MSRA: variants seen among roughly 807,000 people sequenced by gnomAD.
MSRA encodes the protein methionine sulfoxide reductase A.
MSRA carries 54 observed loss-of-function variants against 31.3 expected under a neutral mutation model. The observed-to-expected ratio is 1.73, with a 90% CI of 1.39 to 2.17. MSRA has a LOEUF of 2.17. Ranked by LOEUF, MSRA falls within the 30% of genes most tolerant of loss-of-function variation. The pLI is 0.00. For missense variants in MSRA, 507 were observed against 300.9 expected (o/e 1.69, Z -5.07); for synonymous variants, 169 against 116.5 (o/e 1.45, Z -2.90).
At chr8:10,236,659 C>G (rs1464006089) in intron 2 of MSRA, among the ~76,000 whole-genome samples, 1 of 152,170 alleles carries the variant, frequency 6.6e-6, no homozygotes, top group African/African-American at 2.4e-5. Flanking sequence ...ATTCTCCTGC[C>G]TCAGCCTCCT....
At chr8:10,144,292 C>T (rs1802952572) in intron 1 of MSRA, among the ~76,000 whole-genome samples, 1 of 152,136 alleles carries the variant, frequency 6.6e-6, no homozygotes, top group Non-Finnish European at 1.5e-5. Context: ...GCCTCTGGAG[C>T]CAGTCTGCCT....
intron 3 of MSRA, among the ~76,000 whole-genome samples, chr8:10,300,111 C>T (rs1800760415): frequency 7.1e-6 from 1 of 141,092 alleles, no homozygotes; most frequent in South Asian, 2.4e-4. Context: ...GTAATGAATG[C>T]AGTGGAAGAA....
intron 4 of MSRA, among the ~76,000 whole-genome samples, chr8:10,303,059 C>G (rs923228730): frequency 6.6e-6 from 1 of 152,190 alleles, no homozygotes; most frequent in African/African-American, 2.4e-5. Context: ...ATGGAGCAGA[C>G]GTTCAGCCAT....
chr8:10,288,932 A>C (rs1323153257), intron 3 of MSRA, among the ~76,000 whole-genome samples: 2 of 151,896 alleles, frequency 1.3e-5, no homozygotes, highest in East Asian at 1.9e-4. Flanking sequence ...AAAATGGTGC[A>C]AGCAGCCACG....
intron 1 of MSRA, among the ~76,000 whole-genome samples, chr8:10,103,997 A>G (rs1161597067): frequency 6.6e-6 from 1 of 152,230 alleles, no homozygotes; most frequent in Non-Finnish European, 1.5e-5. Flanking sequence ...CTTTGATAAA[A>G]TATTTTAAAC....
intron 1 of MSRA, among the ~76,000 whole-genome samples, chr8:10,201,419 T>A (rs1173311073): frequency 6.6e-6 from 1 of 152,182 alleles, no homozygotes; most frequent in Non-Finnish European, 1.5e-5. Flanking sequence ...ACTCCCAAGA[T>A]GGCAGCTGCT....
At chr8:10,335,896 G>A (rs932752457) in intron 5 of MSRA, among the ~76,000 whole-genome samples, 2 of 152,150 alleles carry the variant, frequency 1.3e-5, no homozygotes, top group African/African-American at 4.8e-5. Flanking sequence ...AGAAGCAGCT[G>A]GTAACTTGAG....
At chr8:10,060,702 G>C (rs1466328873) in intron 1 of MSRA, among the ~76,000 whole-genome samples, 1 of 145,024 alleles carries the variant, frequency 6.9e-6, no homozygotes, top group African/African-American at 2.6e-5. Flanking sequence ...ACTTGCTTTT[G>C]TAATCAAAAT....
chr8:10,236,089 A>T (rs937314722), intron 2 of MSRA, among the ~76,000 whole-genome samples: 1 of 152,198 alleles, frequency 6.6e-6, no homozygotes, highest in Non-Finnish European at 1.5e-5. Context: ...TGCATGATAA[A>T]AAGCTTTTCA....
intron 2 of MSRA, among the ~76,000 whole-genome samples, chr8:10,210,547 C>T (rs1809385673): frequency 6.6e-6 from 1 of 152,148 alleles, no homozygotes; most frequent in Non-Finnish European, 1.5e-5. Flanking sequence ...GGAGCAAGAT[C>T]TCCTACGGCT....
intron 1 of MSRA, among the ~76,000 whole-genome samples, chr8:10,198,534 G>T (rs1563208609): frequency 6.6e-6 from 1 of 152,072 alleles, no homozygotes; most frequent in African/African-American, 2.4e-5. Context: ...AACATCTCTG[G>T]AATTCTTTGT....
intron 1 of MSRA, among the ~76,000 whole-genome samples, chr8:10,176,916 A>C (rs1806103013): frequency 6.6e-6 from 1 of 152,136 alleles, no homozygotes; most frequent in African/African-American, 2.4e-5. Context: ...GGCCCTAAAT[A>C]ATTTAGCTTC....
intron 5 of MSRA, among the ~76,000 whole-genome samples, chr8:10,369,621 A>G (rs946909855): frequency 6.6e-6 from 1 of 152,234 alleles, no homozygotes; most frequent in Admixed American, 6.5e-5. Flanking sequence ...AATTTATAAT[A>G]TATTAAAATT....
chr8:10,225,922 G>T (rs1034373519), intron 2 of MSRA, among the ~76,000 whole-genome samples: 1 of 152,234 alleles, frequency 6.6e-6, no homozygotes, highest in East Asian at 1.9e-4. Flanking sequence ...TTCTATCCAT[G>T]CCAGAAAGAC....
At chr8:10,249,525 C>T (rs1231510113) in intron 3 of MSRA, among the ~76,000 whole-genome samples, 1 of 152,148 alleles carries the variant, frequency 6.6e-6, no homozygotes, top group Non-Finnish European at 1.5e-5. Context: ...ATAATCTTCC[C>T]TTCCTCAGGT....
intron 1 of MSRA, among the ~76,000 whole-genome samples, chr8:10,095,338 T>C (rs1258358523): frequency 6.6e-6 from 1 of 152,204 alleles, no homozygotes; most frequent in East Asian, 1.9e-4. Context: ...TTAGTAATAA[T>C]TATGAAAGGT....
At chr8:10,173,608 C>T (rs1275249463) in intron 1 of MSRA, among the ~76,000 whole-genome samples, 1 of 152,218 alleles carries the variant, frequency 6.6e-6, no homozygotes, top group East Asian at 1.9e-4. Flanking sequence ...ATGCTCAGCA[C>T]TCCTTGGGCC....
chr8:10,220,167 T>C (rs1033726065), intron 2 of MSRA, among the ~76,000 whole-genome samples: 7 of 152,174 alleles, frequency 4.6e-5, no homozygotes, highest in East Asian at 1.9e-4. Flanking sequence ...CTAGGTGTTA[T>C]TAGGAAAAAC....
chr8:10,188,154 A>G lies in MSRA; in HGVS notation c.143-19679A>G, dbSNP rs182647245. 3.5e-4 allele frequency among the ~76,000 whole-genome samples: 54 copies of G among 152,346 alleles called. 5 individuals are homozygous for G. The East Asian group carries it at 0.01, about 29-fold the overall frequency. The stretch of plus-strand genomic sequence containing the variant: ...TTTACACCAGCTTCCCCCAATGTTA[A>G]TATCTTACATAATCAGTGTGTTGTC... On this transcript the variant is annotated intron_variant, in intron 1 of 5. Coordinates refer to ENST00000317173, the MANE Select transcript of MSRA (RefSeq NM_012331.5).
Sources: gnomAD v4.1 joint callset for allele counts (sites outside exome capture counted in the v4.1 genomes callset) on GRCh38, gnomAD v4.1.1 for gene constraint, MANE v1.5 for transcripts, NCBI Gene and HGNC (gene_info 2026-07-23, HGNC 2026-07-21) for gene names.